PRKCB: variants seen among roughly 807,000 people sequenced by gnomAD.
PRKCB encodes the protein protein kinase C beta.
PRKCB carries 13 observed loss-of-function variants against 81.5 expected under a neutral mutation model. That is an observed-to-expected ratio of 0.16 (90% confidence interval 0.10 to 0.25). PRKCB has a LOEUF of 0.25. PRKCB is among the 10% of genes least tolerant of loss of function. The probability of loss-of-function intolerance (pLI) is 1.00; values close to 1 mark genes in which losing one functional copy is unlikely to be tolerated. For missense variants in PRKCB, 509 were observed against 875.7 expected (o/e 0.58, Z 5.29); for synonymous variants, 335 against 321.4 (o/e 1.04, Z -0.45).
At chr16:24,185,405 TA>T in intron 14 of PRKCB, 54 bp from the exon 15 acceptor site, 1 of 1,512,996 alleles carries the variant, frequency 6.6e-7, no homozygotes, top group Non-Finnish European at 9.2e-7. Context: ...TGAGGGGAGC[TA>T]GGGGGAGGGT....
intron 2 of PRKCB, among the ~76,000 whole-genome samples, chr16:23,950,027 T>C (rs1054645574): frequency 6.6e-6 from 1 of 151,030 alleles, no homozygotes; most frequent in Non-Finnish European, 1.5e-5. Flanking sequence ...GCATTGCTGC[T>C]GCCCATGCTA....
intron 4 of PRKCB, 137 bp from the exon 5 acceptor site, chr16:24,035,282 G>A: frequency 1.7e-6 from 2 of 1,151,822 alleles, no homozygotes; most frequent in Non-Finnish European, 2.4e-6. Context: ...AGGCAAGTTG[G>A]TCTCAGCCAG....
At chr16:23,849,180 G>A (rs931724260) in intron 2 of PRKCB, among the ~76,000 whole-genome samples, 3 of 152,258 alleles carry the variant, frequency 2.0e-5, no homozygotes, top group Non-Finnish European at 4.4e-5. Context: ...CCCATCGGCT[G>A]ACCTCACTTC....
intron 2 of PRKCB, among the ~76,000 whole-genome samples, chr16:23,910,004 T>C (rs1285610505): frequency 1.3e-5 from 2 of 152,170 alleles, no homozygotes; most frequent in African/African-American, 2.4e-5. Flanking sequence ...ACAAACACGT[T>C]CAGTCCATAG....
chr16:24,168,809 T>C (rs1268668974), intron 10 of PRKCB, among the ~76,000 whole-genome samples: 1 of 149,980 alleles, frequency 6.7e-6, no homozygotes, highest in East Asian at 2.0e-4. Flanking sequence ...TTTTCCTGTC[T>C]CGGCCCTGCC....
intron 3 of PRKCB, among the ~76,000 whole-genome samples, chr16:23,988,887 G>C (rs1964836116): frequency 6.6e-6 from 1 of 152,108 alleles, no homozygotes; most frequent in Admixed American, 6.5e-5. Context: ...GCTGCAAAAA[G>C]GTAGTTTCGG....
At chr16:24,095,078 A>G (rs1445432808) in intron 7 of PRKCB, among the ~76,000 whole-genome samples, 2 of 152,112 alleles carry the variant, frequency 1.3e-5, no homozygotes, top group African/African-American at 4.8e-5. Context: ...CACCGTCCTC[A>G]CCACTCCCTA....
intron 9 of PRKCB, 93 bp from the exon 10 acceptor site, chr16:24,154,591 A>G (rs973698596): frequency 1.5e-6 from 2 of 1,291,142 alleles, no homozygotes; most frequent in Non-Finnish European, 2.2e-6. Flanking sequence ...GCACCTATAC[A>G]AAGCTAAGTG....
chr16:24,089,259 C>T (rs762097626), intron 5 of PRKCB, among the ~76,000 whole-genome samples: 1 of 152,190 alleles, frequency 6.6e-6, no homozygotes, highest in Non-Finnish European at 1.5e-5. Context: ...GGACAGGTTT[C>T]ACTGCAGACT....
chr16:24,199,763 A>G (rs1967929401), intron 16 of PRKCB, among the ~76,000 whole-genome samples: 1 of 152,352 alleles, frequency 6.6e-6, no homozygotes, highest in South Asian at 2.1e-4. Flanking sequence ...ACCACAGTAT[A>G]GATGAGGAAC....
At chr16:24,112,925 T>C in intron 7 of PRKCB, 48 bp from the exon 8 acceptor site, 1 of 1,285,054 alleles carries the variant, frequency 7.8e-7, no homozygotes, top group African/African-American at 1.5e-5. Flanking sequence ...AATAAAATAA[T>C]ACCGAGTCGA....
intron 2 of PRKCB, among the ~76,000 whole-genome samples, chr16:23,915,331 A>G (rs1004795398): frequency 2.6e-5 from 4 of 152,106 alleles, no homozygotes; most frequent in East Asian, 1.9e-4. Flanking sequence ...GGAATTCACC[A>G]TGAAGTCCTG....
At chr16:23,873,717 C>G (rs1369836312) in intron 2 of PRKCB, among the ~76,000 whole-genome samples, 1 of 152,176 alleles carries the variant, frequency 6.6e-6, no homozygotes, top group Non-Finnish European at 1.5e-5. Flanking sequence ...CTGGGCTCCA[C>G]CCTTGCAGGT....
chr16:24,069,904 A>G (rs1443479696), intron 5 of PRKCB, among the ~76,000 whole-genome samples: 2 of 152,166 alleles, frequency 1.3e-5, no homozygotes, highest in East Asian at 3.9e-4. Flanking sequence ...CCCAACGGGT[A>G]CTCCCGAGAT....
At chr16:23,925,625 T>TA (rs1567315741) in intron 2 of PRKCB, among the ~76,000 whole-genome samples, 1 of 152,052 alleles carries the variant, frequency 6.6e-6, no homozygotes, top group Non-Finnish European at 1.5e-5. Flanking sequence ...TTAAATTTTT[T>TA]AAAAAAAGTT....
chr16:24,151,902 G>C (rs1352700163), intron 9 of PRKCB: 1 of 454,862 alleles, frequency 2.2e-6, no homozygotes, highest in Admixed American at 2.3e-5. Flanking sequence ...CTGGTGAAGG[G>C]GGAAATTCCC....
intron 2 of PRKCB, among the ~76,000 whole-genome samples, chr16:23,875,612 ACACACATATATGTATGTATAT>A (rs1567298516): frequency 3.0e-5 from 1 of 33,542 alleles, no homozygotes; most frequent in Non-Finnish European, 5.9e-5. Flanking sequence ...TATGTATATC[ACACACATATATGTATGTATAT>A]CACACATATA....
intron 3 of PRKCB, among the ~76,000 whole-genome samples, chr16:24,020,988 CTT>C (rs1965356190): frequency 5.0e-5 from 6 of 121,066 alleles, no homozygotes; most frequent in African/African-American, 2.0e-4. Context: ...TTCTTTCTTT[CTT>C]TCTTTCTTTC....
Position 24,217,724 on chromosome 16 carries a change from C to CA in PRKCB, c.*2909dup. ...AAGGGAATCTTTGATAAGAGGCCCA[C>CA]AGGCAGGGAAAGCGAAATAGGGTTG... On this transcript the variant is annotated 3_prime_UTR_variant, in exon 17 of 17. Coordinates refer to ENST00000643927, the MANE Select transcript of PRKCB (RefSeq NM_002738.7). 2.0e-6 allele frequency: 2 copies of CA among 985,414 alleles called. No individual in the cohort carries two copies. Among genetic ancestry groups the CA allele is most frequent in the Non-Finnish European group, 2.4e-6 (2 of 829,960 alleles). The allele number at this position is 985,414 out of a possible 1,614,324, so 61.0% of individuals were successfully genotyped here.
Sources: allele counts gnomAD v4.1 joint callset (sites outside exome capture counted in the v4.1 genomes callset), GRCh38; gene constraint gnomAD v4.1.1; transcripts MANE v1.5; gene names NCBI Gene and HGNC (gene_info 2026-07-23, HGNC 2026-07-21).